The following DHX34 variants were observed in gnomAD, a reference collection of about 807,000 sequenced individuals.
The protein encoded by DHX34 is DExH-box helicase 34.
DHX34 carries 96 observed loss-of-function variants against 111.1 expected under a neutral mutation model. The ratio of observed to expected loss-of-function variants is 0.86; its 90% CI spans 0.73 to 1.02. The LOEUF (loss-of-function observed/expected upper bound fraction) is 1.02. Among genes scored for constraint, DHX34 ranks in the 50% least tolerant of loss-of-function variants. DHX34 has a pLI of 0.00. For missense variants in DHX34, 1,560 were observed against 1,579.9 expected, an observed-to-expected ratio of 0.99 and a Z score of 0.21; for synonymous variants, 688 against 670.4, an observed-to-expected ratio of 1.03 and a Z score of -0.41.
chr19:47,372,768 GA>G lies in DHX34; in HGVS notation c.1808del (p.Glu603GlyfsTer53). On this transcript the variant is annotated frameshift_variant, in exon 8 of 17. Transcript: ENST00000328771. LOFTEE classifies it high-confidence loss of function. ...LILGSMFSLVEPVLTIAAALS... is the reference protein window; with the variant it reads ...LILGSMFSLVXPVLTIAAALS... ...CCTGGGCTCCATGTTCAGCCTGGTG[GA>G]GCCTGTGCTCACCATCGCAGCCGCA... The G allele has an allele frequency of 1.9e-6, 3 of 1,612,572 alleles. No individual in the cohort carries two copies. Among genetic ancestry groups the G allele is most frequent in the Non-Finnish European group, 2.5e-6 (3 of 1,179,604 alleles).
chr19:47,381,130 T>A, intron 15 of DHX34, 56 bp from the exon 16 acceptor site: 1 of 1,604,034 alleles, frequency 6.2e-7, no homozygotes, highest in South Asian at 1.1e-5. Context: ...GGGGGGGCAC[T>A]TGGGTGGTGG....
chr19:47,369,676 TC>T (rs1049531443), intron 7 of DHX34, among the ~76,000 whole-genome samples: 2 of 152,008 alleles, frequency 1.3e-5, no homozygotes, highest in African/African-American at 4.8e-5. Context: ...TAATTGGCTG[TC>T]CTGGGAGGCC....
Position 47,355,145 on chromosome 19 carries a change from C to A in DHX34, c.812C>A (p.Pro271His). The change falls in exon 3 of 17, where the codon CCC (proline) becomes CAC (histidine). Residue 271 changes from proline (P) to histidine (H), a missense_variant. Transcript: ENST00000328771. ...CAAATCCAGCGGGAACCCAGCCTGC[C>A]CCAGTATGAGGTCCTGATTGTGGAT... The part of the protein sequence containing the change: ...LRQIQREPSL[P>H]QYEVLIVDEV... 1 of 1,614,080 alleles carries A rather than the reference C, an allele frequency of 6.2e-7. No homozygotes were observed. The highest frequency in any genetic ancestry group is 8.5e-7 in the Non-Finnish European group (1 of 1,180,026).
intron 4 of DHX34, among the ~76,000 whole-genome samples, chr19:47,359,674 C>T (rs754293179): frequency 9.2e-5 from 14 of 151,476 alleles, no homozygotes; most frequent in South Asian, 4.2e-4. Flanking sequence ...CCCAGCTGCT[C>T]GGGAGGCTGA....
chr19:47,367,849 C>T (rs1396057460), intron 7 of DHX34, among the ~76,000 whole-genome samples: 1 of 147,218 alleles, frequency 6.8e-6, no homozygotes, highest in Admixed American at 6.8e-5. Context: ...TGAGCCGAGA[C>T]CATGCCATTG....
At chr19:47,357,727 T>C in intron 3 of DHX34, 139 bp from the exon 4 acceptor site, 1 of 1,436,102 alleles carries the variant, frequency 7.0e-7, no homozygotes, top group Non-Finnish European at 9.1e-7. Flanking sequence ...TGGAACAGAG[T>C]TGCCCACCAG....
chr19:47,375,872 G>C, intron 10 of DHX34, 52 bp from the exon 11 acceptor site: 1 of 1,546,314 alleles, frequency 6.5e-7, no homozygotes, highest in Non-Finnish European at 8.7e-7. Flanking sequence ...TGCGGATCAT[G>C]GTAGGAGCCC....
intron 4 of DHX34, among the ~76,000 whole-genome samples, chr19:47,359,581 A>C (rs976446226): frequency 6.6e-6 from 1 of 152,210 alleles, no homozygotes; most frequent in African/African-American, 2.4e-5. Flanking sequence ...CAAGAGTTCA[A>C]GACCAGCCTG....
intron 5 of DHX34, among the ~76,000 whole-genome samples, chr19:47,360,832 C>T (rs959501860): frequency 1.1e-4 from 16 of 151,940 alleles, no homozygotes; most frequent in African/African-American, 9.7e-5. Context: ...TCACCACGCC[C>T]GGCTAATTTT....
intron 7 of DHX34, among the ~76,000 whole-genome samples, chr19:47,367,672 G>A (rs1377288970): frequency 2.0e-5 from 3 of 152,046 alleles, no homozygotes; most frequent in Non-Finnish European, 4.4e-5. Flanking sequence ...GGTAGATCAC[G>A]AGGTCAGCAG....
At chr19:47,351,197 GAGACAGAGTCT>G (rs1969277831) in intron 1 of DHX34, among the ~76,000 whole-genome samples, 1 of 11,502 alleles carries the variant, frequency 8.7e-5, no homozygotes, top group African/African-American at 2.2e-4. Context: ...TTTTTTTTTT[GAGACAGAGTCT>G]CGCTCTGTTG....
At chr19:47,374,659 G>C (rs972879249) in intron 9 of DHX34, among the ~76,000 whole-genome samples, 67 of 152,038 alleles carry the variant, frequency 4.4e-4, no homozygotes, top group Non-Finnish European at 1.2e-4. Flanking sequence ...CAGTCACCCA[G>C]CCGACACCTC....
rs759835899 is a variant in DHX34, at chr19:47,373,677, G to T, written c.2041G>T (p.Ala681Ser). ...GIEEHRLYEM[A>S]NLRRQFKELL... ...AGAGGAGCATCGACTGTACGAAATG[G>T]CCAACCTTCGGCGCCAGTTCAAGGT... Residue 681 changes from alanine to serine, a missense_variant, in exon 9 of 17, where the codon GCC becomes TCC. Transcript: ENST00000328771. 8 of 1,613,918 alleles carry T rather than the reference G, an allele frequency of 5.0e-6. No individual in the cohort carries two copies. The highest frequency in any genetic ancestry group is 1.1e-5 in the South Asian group (1 of 91,072).
chr19:47,378,518 C>T (rs539423244), intron 13 of DHX34, among the ~76,000 whole-genome samples: 19 of 152,264 alleles, frequency 1.2e-4, no homozygotes, highest in East Asian at 3.9e-4. Context: ...CTACCTGAGG[C>T]GCTCTCTCCC....
At chr19:47,375,312 T>G in intron 9 of DHX34, 154 bp from the exon 10 acceptor site, 1 of 985,454 alleles carries the variant, frequency 1.0e-6, no homozygotes, top group Non-Finnish European at 1.2e-6. Flanking sequence ...GCTCTCTCTC[T>G]GGAGCAGCGA....
intron 15 of DHX34, 93 bp downstream of exon 15, chr19:47,381,085 G>A (rs1293501042): frequency 2.6e-6 from 4 of 1,555,566 alleles, no homozygotes; most frequent in East Asian, 4.5e-5. Flanking sequence ...TCCCAAGTGG[G>A]GCCCGTGGCC....
chr19:47,365,997 A>T (rs1338641587), intron 6 of DHX34, among the ~76,000 whole-genome samples: 1 of 152,218 alleles, frequency 6.6e-6, no homozygotes, highest in Non-Finnish European at 1.5e-5. Flanking sequence ...GAATTTCTCC[A>T]TCTGCTGTAG....
chr19:47,372,499 TG>T, intron 7 of DHX34: 1 of 611,110 alleles, frequency 1.6e-6, no homozygotes, highest in Non-Finnish European at 2.0e-6. Flanking sequence ...AGGCAGGGAC[TG>T]GCCATCTCCA....
chr19:47,360,125 G>A (rs979136163), intron 5 of DHX34, 55 bp downstream of exon 5: 30 of 1,561,432 alleles, frequency 1.9e-5, no homozygotes, highest in Non-Finnish European at 2.6e-5. Context: ...GGAGCATGGG[G>A]TCCGGAGGTG....
Sources: gnomAD v4.1 joint callset for allele counts (sites outside exome capture counted in the v4.1 genomes callset) on GRCh38, gnomAD v4.1.1 for gene constraint, MANE v1.5 for transcripts, NCBI Gene and HGNC (gene_info 2026-07-23, HGNC 2026-07-21) for gene names.